POLRMT: variants seen among roughly 807,000 people sequenced by gnomAD.
POLRMT encodes RNA polymerase mitochondrial, also known as DNA-directed RNA polymerase, mitochondrial.
POLRMT carries 114 observed loss-of-function variants against 132.2 expected under a neutral mutation model. The ratio of observed to expected loss-of-function variants is 0.86; its 90% CI spans 0.74 to 1.01. The LOEUF is 1.01. Among genes scored for constraint, POLRMT ranks in the 50% least tolerant of loss-of-function variants. POLRMT has a pLI of 0.00. For synonymous variants in POLRMT, 1,020 were observed against 773.4 expected (o/e 1.32, Z -5.29); for missense variants, 2,003 against 1,729.1 (o/e 1.16, Z -2.81).
At chr19:630,523 A>ACCT (rs958636291) in intron 2 of POLRMT, among the ~76,000 whole-genome samples, 3 of 151,432 alleles carry the variant, frequency 2.0e-5, no homozygotes, top group Non-Finnish European at 4.4e-5. Context: ...ACCTCTCAGT[A>ACCT]CCTCCTCTGG....
At chr19:621,014 C>G (rs886586834) in intron 10 of POLRMT, 44 bp downstream of exon 10, 46 of 912,824 alleles carry the variant, frequency 5.0e-5, no homozygotes, top group African/African-American at 4.1e-4. Flanking sequence ...GGGGAGGGCG[C>G]GGGGGTGCCG....
Position 623,115 on chromosome 19 carries a change from G to A in POLRMT, c.1291-130C>T, listed in dbSNP as rs891263853. The A allele has an allele frequency of 2.4e-5, 29 of 1,217,884 alleles. No homozygotes were observed. In the African/African-American group the frequency reaches 4.3e-4, roughly 18 times the overall value. 75.4% of individuals were successfully genotyped at this position (1,217,884 alleles called of 1,614,324 possible). On this transcript the variant is annotated intron_variant, in intron 6 of 20. Coordinates refer to ENST00000588649, the MANE Select transcript of POLRMT (RefSeq NM_005035.4). ...AGGTCCCTGCTGTGTGTTCCGGGTA[G>A]CTCCTCACCCCGGCCTGCCCTCTGC...
chr19:618,010 C>T (rs1464082675), intron 17 of POLRMT, 161 bp from the exon 18 acceptor site: 13 of 648,114 alleles, frequency 2.0e-5, no homozygotes, highest in Non-Finnish European at 3.0e-5. Flanking sequence ...CCCAAACATC[C>T]TGGGTTAGGT....
rs1415532842 is a variant in POLRMT at position 627,147 on chromosome 19, CATTTT to C, written c.823-1898_823-1894del. 1.6e-4 allele frequency among the ~76,000 whole-genome samples: 21 copies of C among 131,252 alleles called. No individual in the cohort carries two copies. The East Asian group carries it at 3.9e-3, about 25-fold the overall frequency. 86.1% of individuals were successfully genotyped at this position (131,252 alleles called of 152,430 possible). A position where few individuals can be genotyped will look rare whatever the true frequency, so the allele number is the denominator to read the frequency against. The stretch of plus-strand genomic sequence containing the variant: ...GAGACCAGAGACATGAGTTTTGGGG[CATTTT>C]TTTTTTTTTTTTTTTTTGAGACGGA... On this transcript the variant is annotated intron_variant, in intron 3 of 20. Coordinates refer to ENST00000588649, the MANE Select transcript of POLRMT (RefSeq NM_005035.4).
intron 1 of POLRMT, 140 bp downstream of exon 1, chr19:633,285 G>A (rs1568179485): frequency 1.1e-5 from 12 of 1,089,108 alleles, no homozygotes; most frequent in Non-Finnish European, 1.4e-5. Context: ...GCAAGGGCGA[G>A]TGGAAAGCGG....
At chr19:623,369 C>T (rs964060187) in intron 6 of POLRMT, 85 bp downstream of exon 6, 2 of 1,549,864 alleles carry the variant, frequency 1.3e-6, no homozygotes, top group Middle Eastern at 2.4e-4. Flanking sequence ...GCGGCGGACA[C>T]GGGACCCCGG....
At chr19:619,435 G>C in intron 13 of POLRMT, 139 bp from the exon 14 acceptor site, 3 of 1,365,418 alleles carry the variant, frequency 2.2e-6, no homozygotes, top group Non-Finnish European at 2.0e-6. Context: ...CGCCCACGCA[G>C]TCAGCAAGAA....
chr19:622,118 C>G, intron 9 of POLRMT, 31 bp downstream of exon 9: 2 of 1,504,892 alleles, frequency 1.3e-6, no homozygotes, highest in Non-Finnish European at 1.8e-6. Flanking sequence ...CAGCGGGATG[C>G]CCCCCAGCTC....
chr19:620,220 G>A lies in POLRMT; in HGVS notation c.2764-140C>T, dbSNP rs76868459. 2.3e-3 allele frequency: 3,345 copies of A among 1,449,654 alleles called. 59 individuals are homozygous for A. The African/African-American group carries it at 0.042, about 18-fold the overall frequency. 89.8% of individuals were successfully genotyped at this position (1,449,654 alleles called of 1,614,324 possible). A position where few individuals can be genotyped will look rare whatever the true frequency, so the allele number is the denominator to read the frequency against. On this transcript the variant is annotated intron_variant, in intron 11 of 20. Transcript: ENST00000588649. ...CACCGGAGCCCCCGCACGCTCCCGG[G>A]AGAGACCAGGAGCCATGGCTCCCGC... is the stretch of plus-strand genomic sequence containing the variant.
intron 5 of POLRMT, among the ~76,000 whole-genome samples, chr19:623,829 G>A (rs763699554): frequency 3.3e-5 from 5 of 152,190 alleles, no homozygotes; most frequent in Admixed American, 2.6e-4. Context: ...ACTGGGCACC[G>A]TGCAGGGGGT....
Position 624,858 on chromosome 19 carries a change from A to G in POLRMT, c.1001T>C (p.Phe334Ser), listed in dbSNP as rs903295458. 5.6e-6 allele frequency: 9 copies of G among 1,613,044 alleles called. No individual in the cohort carries two copies. In the African/African-American group the frequency reaches 1.1e-4, roughly 19 times the overall value. Residue 334 changes from phenylalanine to serine, a missense_variant, in exon 5 of 21, where the codon TTC becomes TCC. Coordinates refer to ENST00000588649, the MANE Select transcript of POLRMT (RefSeq NM_005035.4). The part of the protein sequence containing the change: ...SQEGLKLQAL[F>S]TAVLLSEEDR... ...CTCCTCAGACAGCAGAACGGCGGTG[A>G]AGAGTGCCTGCAGCTTCAGCCCCTC... is the stretch of plus-strand genomic sequence containing the variant.
At chr19:627,664 C>G (rs1340066519) in intron 3 of POLRMT, among the ~76,000 whole-genome samples, 1 of 151,806 alleles carries the variant, frequency 6.6e-6, no homozygotes, top group East Asian at 2.0e-4. Context: ...GTCGCTCACG[C>G]CTGTAATCCC....
rs1309937126 is a variant in POLRMT, at chr19:622,570, T to A, written c.1626+12A>T. 2 of 1,588,752 alleles carry A rather than the reference T, an allele frequency of 1.3e-6. No homozygotes were observed. The highest frequency in any genetic ancestry group is 2.3e-5 in the East Asian group (1 of 44,150). On this transcript the variant is annotated intron_variant, in intron 8 of 20. Transcript: ENST00000588649. Reference sequence around the variant, plus strand: ...TGGCCCCAGCCAGGAGGAGAGGGGGTGCGAGCCTCACCTCGGCGTCGGAGG... The same window carrying A: ...TGGCCCCAGCCAGGAGGAGAGGGGGAGCGAGCCTCACCTCGGCGTCGGAGG...
At chr19:623,732 G>C in intron 5 of POLRMT, 129 bp from the exon 6 acceptor site, 1 of 1,138,748 alleles carries the variant, frequency 8.8e-7, no homozygotes, top group South Asian at 1.5e-5. Flanking sequence ...CGCTGACGCG[G>C]GGAAAGGCGG....
chr19:619,270 A>C lies in POLRMT; in HGVS notation c.3093T>G (p.Tyr1031Ter). The C allele has an allele frequency of 6.2e-7, 1 of 1,606,336 alleles. No individual in the cohort carries two copies. Among genetic ancestry groups the C allele is most frequent in the Non-Finnish European group, 8.5e-7 (1 of 1,178,592 alleles). ...PQEFVWEASH[Y>*]LVRQVFKSLQ... ...GACTCTTGAAGACCTGGCGTACGAG[A>C]TAGTGAGAGGCCTCCCACACGAACT... The change falls in exon 14 of 21, where the codon TAT (tyrosine) becomes TAG (stop). Residue 1031 changes from tyrosine (Y) to a stop codon, truncating the protein, a stop_gained. Coordinates refer to ENST00000588649, the MANE Select transcript of POLRMT (RefSeq NM_005035.4). LOFTEE classifies it high-confidence loss of function.
At position 625,287 on chromosome 19, in the gene POLRMT, G is replaced by C. The variant is rs199655485; in HGVS notation, c.823-33C>G. 15 of 1,611,094 alleles carry C rather than the reference G, an allele frequency of 9.3e-6. No individual in the cohort carries two copies. The African/African-American group carries it at 1.9e-4, about 20-fold the overall frequency. On this transcript the variant is annotated intron_variant, in intron 3 of 20. Coordinates refer to ENST00000588649, the MANE Select transcript of POLRMT (RefSeq NM_005035.4). ...ACCAAGCCAGGGTGAGGGTCTGGGG[G>C]GATGGCCCAACCTCCACATCCTCCC...
intron 2 of POLRMT, among the ~76,000 whole-genome samples, chr19:631,233 TGAAA>T (rs1219413273): frequency 2.7e-5 from 4 of 145,652 alleles, no homozygotes; most frequent in Non-Finnish European, 6.0e-5. Flanking sequence ...GTGGCTGAGG[TGAAA>T]GAATCACCTA....
At chr19:632,745 G>A (rs923875145) in intron 2 of POLRMT, 89 bp downstream of exon 2, 116 of 1,185,684 alleles carry the variant, frequency 9.8e-5, no homozygotes, top group Non-Finnish European at 1.3e-4. Flanking sequence ...ACCGCCCTCA[G>A]CCTGTCTCAG....
chr19:633,145 G>A (rs1478081361), intron 1 of POLRMT: 6 of 594,302 alleles, frequency 1.0e-5, no homozygotes, highest in African/African-American at 9.8e-5. Flanking sequence ...CCGAGAGAGG[G>A]TTCCTCGCAC....
Sources: gnomAD v4.1 joint callset for allele counts (sites outside exome capture counted in the v4.1 genomes callset) on GRCh38, gnomAD v4.1.1 for gene constraint, MANE v1.5 for transcripts, NCBI Gene and HGNC (gene_info 2026-07-23, HGNC 2026-07-21) for gene names.